ADGRB3: variants seen among roughly 807,000 people sequenced by gnomAD.
ADGRB3 encodes adhesion G protein-coupled receptor B3.
Under a neutral mutation model 193.4 loss-of-function variants are expected in ADGRB3, and 37 were observed. The ratio of observed to expected loss-of-function variants is 0.19; its 90% confidence interval spans 0.15 to 0.25. The LOEUF (loss-of-function observed/expected upper bound fraction) is 0.25, where lower values mean the gene tolerates loss of function less well. Among genes scored for constraint, ADGRB3 ranks in the 10% least tolerant of loss-of-function variants. The pLI, the probability that ADGRB3 is intolerant of heterozygous loss-of-function variation, is 1.00. For synonymous variants in ADGRB3, 690 were observed against 644.2 expected, an observed-to-expected ratio of 1.07 and a Z score of -1.08; for missense variants, 1,637 against 1,852.9, an observed-to-expected ratio of 0.88 and a Z score of 2.14.
chr6:69,300,464 A>C (rs369802227), intron 20 of ADGRB3, among the ~76,000 whole-genome samples: 1 of 151,752 alleles, frequency 6.6e-6, no homozygotes, highest in Non-Finnish European at 1.5e-5. Context: ...AAGTCCTAGC[A>C]AGAGCAATCA....
chr6:69,283,429 T>G (rs1280819363), intron 20 of ADGRB3, among the ~76,000 whole-genome samples: 3 of 152,124 alleles, frequency 2.0e-5, no homozygotes, highest in Admixed American at 6.6e-5. Flanking sequence ...GCCATATTTT[T>G]GGGTAGAGGC....
intron 3 of ADGRB3, among the ~76,000 whole-genome samples, chr6:68,862,109 C>T (rs1201972130): frequency 7.4e-6 from 1 of 135,204 alleles, no homozygotes; most frequent in Non-Finnish European, 1.6e-5. Flanking sequence ...ACTTTCCTCA[C>T]TATGTTTAAA....
intron 17 of ADGRB3, among the ~76,000 whole-genome samples, chr6:69,129,448 G>T (rs1249025639): frequency 6.6e-6 from 1 of 152,042 alleles, no homozygotes; most frequent in Non-Finnish European, 1.5e-5. Context: ...GAAGAAATTA[G>T]TGACAAATAA....
chr6:68,783,661 G>A (rs903836298), intron 3 of ADGRB3, among the ~76,000 whole-genome samples: 5 of 151,868 alleles, frequency 3.3e-5, no homozygotes, highest in Non-Finnish European at 5.9e-5. Context: ...AGCCTAGGAA[G>A]ACAATCAGAA....
intron 20 of ADGRB3, among the ~76,000 whole-genome samples, chr6:69,310,560 T>C (rs1768168391): frequency 6.6e-6 from 1 of 151,724 alleles, no homozygotes; most frequent in Non-Finnish European, 1.5e-5. Flanking sequence ...ATATAAAACA[T>C]AACAGCAATG....
At chr6:68,652,340 A>G (rs1479640264) in intron 3 of ADGRB3, among the ~76,000 whole-genome samples, 3 of 152,200 alleles carry the variant, frequency 2.0e-5, no homozygotes, top group African/African-American at 4.8e-5. Flanking sequence ...TTCCCACTCT[A>G]TGTCACACTT....
At chr6:69,223,669 T>A (rs1328854531) in intron 17 of ADGRB3, among the ~76,000 whole-genome samples, 2 of 148,154 alleles carry the variant, frequency 1.3e-5, no homozygotes, top group African/African-American at 5.0e-5. Context: ...TTTTTTTTTT[T>A]TTTTTGGCAG....
At chr6:69,159,194 T>C (rs1207285804) in intron 17 of ADGRB3, among the ~76,000 whole-genome samples, 1 of 152,040 alleles carries the variant, frequency 6.6e-6, no homozygotes, top group African/African-American at 2.4e-5. Context: ...GAAATTCTTT[T>C]CACACTCCTC....
chr6:68,872,460 G>C (rs1349297658), intron 3 of ADGRB3, among the ~76,000 whole-genome samples: 1 of 152,104 alleles, frequency 6.6e-6, no homozygotes, highest in Non-Finnish European at 1.5e-5. Flanking sequence ...AAACGTATAA[G>C]AAGAAAAACC....
Position 69,334,226 on chromosome 6 carries a change from C to A in ADGRB3, c.3188+1218C>A, listed in dbSNP as rs979281071. Among the ~76,000 whole-genome samples the A allele has an allele frequency of 3.3e-5, 5 of 151,980 alleles. No individual in the cohort carries two copies. The South Asian group carries it at 8.3e-4, about 25-fold the overall frequency. The stretch of plus-strand genomic sequence containing the variant: ...ATTCAAAACTTACCCATGTAATATT[C>A]TTTTCTTCCATAATTTGTGGTATTA... On this transcript the variant is annotated intron_variant, in intron 24 of 31. Coordinates refer to ENST00000370598, the MANE Select transcript of ADGRB3 (RefSeq NM_001704.3).
At chr6:68,944,671 A>G (rs1408030419) in intron 6 of ADGRB3, among the ~76,000 whole-genome samples, 1 of 152,180 alleles carries the variant, frequency 6.6e-6, no homozygotes, top group Non-Finnish European at 1.5e-5. Flanking sequence ...AGCCTTCACA[A>G]TGCTGTCATT....
At chr6:68,844,110 G>T (rs920489876) in intron 3 of ADGRB3, among the ~76,000 whole-genome samples, 1 of 152,032 alleles carries the variant, frequency 6.6e-6, no homozygotes, top group Non-Finnish European at 1.5e-5. Context: ...CATTGGTCTG[G>T]GCAAAGATTT....
At chr6:68,868,179 G>C (rs574852755) in intron 3 of ADGRB3, among the ~76,000 whole-genome samples, 63 of 152,256 alleles carry the variant, frequency 4.1e-4, no homozygotes, top group African/African-American at 1.4e-3. Context: ...GACATGGTAG[G>C]AAGTGACTGG....
chr6:69,138,360 G>T (rs1008569907), intron 17 of ADGRB3, among the ~76,000 whole-genome samples: 3 of 152,204 alleles, frequency 2.0e-5, no homozygotes, highest in Non-Finnish European at 4.4e-5. Context: ...TTCCCAAGCT[G>T]TTTTGTGGCT....
At chr6:69,250,753 G>A (rs1318278971) in intron 20 of ADGRB3, among the ~76,000 whole-genome samples, 1 of 152,130 alleles carries the variant, frequency 6.6e-6, no homozygotes, top group Non-Finnish European at 1.5e-5. Context: ...ACCACTTCCT[G>A]GGCATGCACC....
intron 17 of ADGRB3, among the ~76,000 whole-genome samples, chr6:69,120,740 C>A (rs1773656821): frequency 6.6e-6 from 1 of 151,862 alleles, no homozygotes; most frequent in Non-Finnish European, 1.5e-5. Context: ...ATCTTGCTTT[C>A]AAAAAGAAAT....
At chr6:69,047,017 C>G (rs1024414641) in intron 13 of ADGRB3, among the ~76,000 whole-genome samples, 1 of 152,070 alleles carries the variant, frequency 6.6e-6, no homozygotes, top group Non-Finnish European at 1.5e-5. Context: ...ACCACCACGC[C>G]CGGCTAAAAT....
At position 68,731,160 on chromosome 6, in the gene ADGRB3, G is replaced by A. The variant is rs534510371; in HGVS notation, c.757+91728G>A. Among the ~76,000 whole-genome samples, 26 of 150,802 alleles carry A rather than the reference G, an allele frequency of 1.7e-4. No individual in the cohort carries two copies. The South Asian group carries it at 3.1e-3, about 18-fold the overall frequency. ...GTTAAAGAAATTGAAGAATAATAAT[G>A]ATAATAGGACATATATAACTTACTA... On this transcript the variant is annotated intron_variant, in intron 3 of 31. Coordinates refer to ENST00000370598, the MANE Select transcript of ADGRB3 (RefSeq NM_001704.3).
At chr6:69,126,695 C>A (rs1285936135) in intron 17 of ADGRB3, among the ~76,000 whole-genome samples, 2 of 151,212 alleles carry the variant, frequency 1.3e-5, no homozygotes, top group Non-Finnish European at 2.9e-5. Flanking sequence ...CCAGAAATAC[C>A]CTCACAGACA....
Sources: gnomAD v4.1 joint callset for allele counts (sites outside exome capture counted in the v4.1 genomes callset) on GRCh38, gnomAD v4.1.1 for gene constraint, MANE v1.5 for transcripts, NCBI Gene and HGNC (gene_info 2026-07-23, HGNC 2026-07-21) for gene names.